MATR3: variants seen among roughly 807,000 people sequenced by gnomAD.
MATR3 encodes the protein matrin-3.
Under a neutral mutation model 85.5 loss-of-function variants are expected in MATR3, and 4 were observed. The ratio of observed to expected loss-of-function variants is 0.05; its 90% CI spans 0.02 to 0.11. The LOEUF (loss-of-function observed/expected upper bound fraction) is 0.11. Among genes scored for constraint, MATR3 ranks in the 10% least tolerant of loss-of-function variants. MATR3 has a pLI of 1.00. For missense variants in MATR3, 685 were observed against 1,016.1 expected (o/e 0.67, Z 4.43); for synonymous variants, 336 against 343.1 (o/e 0.98, Z 0.23).
Position 139,319,411 on chromosome 5 carries a change from G to C in MATR3, c.1512G>C (p.Pro504=). ...LGRVIHLSNL[P]HSGYSDSAVL... is the part of the protein sequence containing the mutation. ...GTGTGATACATCTCAGCAATTTGCC[G>C]CATTCTGGCTATTCTGATAGTGCTG... is the stretch of plus-strand genomic sequence containing the variant. Residue 504 remains proline (P), a synonymous_variant, in exon 9 of 15, where the codon CCG becomes CCC. Transcript: ENST00000394805. 1 of 1,614,016 alleles carries C rather than the reference G, an allele frequency of 6.2e-7. No homozygotes were observed. The highest frequency in any genetic ancestry group is 2.2e-5 in the East Asian group (1 of 44,888).
chr5:139,331,107 A>T lies in MATR3; in HGVS notation c.*1712A>T, dbSNP rs1191922938. 1 of 453,916 alleles carries T rather than the reference A, an allele frequency of 2.2e-6. No individual in the cohort carries two copies. The highest frequency in any genetic ancestry group is 4.4e-6 in the Non-Finnish European group (1 of 226,768). 28.1% of individuals were successfully genotyped at this position (453,916 alleles called of 1,614,324 possible). A position where few individuals can be genotyped will look rare whatever the true frequency, so the allele number is the denominator to read the frequency against. ...TCCCTGGCCAAGAAACAAAGTTTTA[A>T]TTTCAAAAAAATCTACAAAAACAGG... On this transcript the variant is annotated 3_prime_UTR_variant, in exon 15 of 15. Coordinates refer to ENST00000394805, the MANE Select transcript of MATR3 (RefSeq NM_018834.6).
chr5:139,280,232 T>C (rs573190710), intron 3 of MATR3, among the ~76,000 whole-genome samples: 65 of 152,370 alleles, frequency 4.3e-4, no homozygotes, highest in Middle Eastern at 3.4e-3. Context: ...CAAAATTGTT[T>C]TCAATGATTT....
rs1724846568 is a variant in MATR3, at chr5:139,296,275, C to A, written c.-178+2470C>A. ...TCTATACAGCCACTTAAAACAGTAT[C>A]GTAGGTGAAGAGTATGATGGGAAAA... is the stretch of plus-strand genomic sequence containing the variant. On this transcript the variant is annotated intron_variant, in intron 1 of 14. Transcript: ENST00000394805. Among the ~76,000 whole-genome samples, 3 of 151,960 alleles carry A rather than the reference C, an allele frequency of 2.0e-5. No individual in the cohort carries two copies. In the South Asian group the frequency reaches 6.2e-4, roughly 32 times the overall value.
chr5:139,287,630 A>T (rs1275235675), intron 3 of MATR3, among the ~76,000 whole-genome samples: 1 of 151,982 alleles, frequency 6.6e-6, no homozygotes, highest in Non-Finnish European at 1.5e-5. Flanking sequence ...AAAAAAAAAA[A>T]GTTTCATCAT....
chr5:139,314,344 A>G (rs2151979436), intron 2 of MATR3: 1 of 331,462 alleles, frequency 3.0e-6, no homozygotes, highest in South Asian at 2.8e-5. Context: ...AGTTTGGTCC[A>G]CAGTAAAAAT....
At chr5:139,301,962 G>A (rs1257663986) in intron 1 of MATR3, among the ~76,000 whole-genome samples, 1 of 152,176 alleles carries the variant, frequency 6.6e-6, no homozygotes, top group Non-Finnish European at 1.5e-5. Flanking sequence ...TTAGCCTAAG[G>A]ATCAAGAAGT....
At chr5:139,318,525 C>T (rs1755372393) in intron 7 of MATR3, among the ~76,000 whole-genome samples, 1 of 152,174 alleles carries the variant, frequency 6.6e-6, no homozygotes, top group Non-Finnish European at 1.5e-5. Flanking sequence ...CTGCAGCCTC[C>T]ACCTCCCAGG....
At chr5:139,309,298 G>A (rs1375280734) in intron 2 of MATR3, among the ~76,000 whole-genome samples, 2 of 151,992 alleles carry the variant, frequency 1.3e-5, no homozygotes, top group Admixed American at 6.6e-5. Context: ...ATCTGTGACC[G>A]TCCATTTTTT....
chr5:139,284,901 T>C, intron 3 of MATR3, among the ~76,000 whole-genome samples: 1 of 152,356 alleles, frequency 6.6e-6, no homozygotes, highest in East Asian at 1.9e-4. Flanking sequence ...TTTGAATCTA[T>C]GATTTTTTGT....
rs200473406 is a variant in MATR3 at position 139,323,288 on chromosome 5, GA to G, written c.2148+331del. Among the ~76,000 whole-genome samples, 109 of 148,200 alleles carry G rather than the reference GA, an allele frequency of 7.4e-4. 1 individual carries two copies. The Middle Eastern group carries it at 0.017, about 24-fold the overall frequency. On this transcript the variant is annotated intron_variant, in intron 12 of 14. Transcript: ENST00000394805. ...GTAGGCAGCCTTATAGTGTAGCTTTGAAAAAAAAAATACAGGACGTGAGTTT... is the reference window on the plus strand; with the variant it reads ...GTAGGCAGCCTTATAGTGTAGCTTTGAAAAAAAAATACAGGACGTGAGTTT...
chr5:139,298,068 G>A (rs1484567849), intron 1 of MATR3, among the ~76,000 whole-genome samples: 2 of 152,140 alleles, frequency 1.3e-5, no homozygotes, highest in East Asian at 1.9e-4. Flanking sequence ...ATATTAGGGA[G>A]CAGTATTATC....
chr5:139,297,460 CAG>C (rs1754215339), intron 1 of MATR3, among the ~76,000 whole-genome samples: 1 of 152,046 alleles, frequency 6.6e-6, no homozygotes, highest in Non-Finnish European at 1.5e-5. Context: ...AAAAGTAAAA[CAG>C]AAAACAAGCC....
intron 3 of MATR3, among the ~76,000 whole-genome samples, chr5:139,288,197 C>A (rs140025316): frequency 2.0e-5 from 3 of 152,188 alleles, no homozygotes; most frequent in African/African-American, 7.2e-5. Flanking sequence ...CTGGGAAACA[C>A]GAGACCCTGT....
chr5:139,326,080 T>G (rs1755839540), intron 13 of MATR3, 83 bp from the exon 14 acceptor site: 3 of 1,219,464 alleles, frequency 2.5e-6, no homozygotes, highest in African/African-American at 3.0e-5. Flanking sequence ...GTTGTTTCAT[T>G]TAAATTATGT....
intron 5 of MATR3, among the ~76,000 whole-genome samples, chr5:139,316,610 C>G (rs2151986887): frequency 6.6e-6 from 1 of 152,240 alleles, no homozygotes; most frequent in African/African-American, 2.4e-5. Context: ...TGTAACGGTG[C>G]AATCTCTGCT....
intron 1 of MATR3, chr5:139,276,065 C>A: frequency 2.2e-6 from 1 of 456,730 alleles, no homozygotes. Flanking sequence ...GGGAGGGACT[C>A]TGAGCTGCAC....
At chr5:139,306,317 T>C (rs879437925) in intron 1 of MATR3, among the ~76,000 whole-genome samples, 1 of 151,968 alleles carries the variant, frequency 6.6e-6, no homozygotes, top group Non-Finnish European at 1.5e-5. Flanking sequence ...ATTTGGGCTA[T>C]TCTTGTGAAA....
At chr5:139,321,673 A>G (rs1581254967) in intron 9 of MATR3, 1 of 548,520 alleles carries the variant, frequency 1.8e-6, no homozygotes, top group Admixed American at 3.1e-5. Flanking sequence ...AGACCTAGCT[A>G]CTGGGGGGCT....
chr5:139,323,758 G>A (rs985069733), intron 12 of MATR3, among the ~76,000 whole-genome samples: 5 of 152,186 alleles, frequency 3.3e-5, no homozygotes, highest in Non-Finnish European at 7.3e-5. Flanking sequence ...GCCGGGCGTG[G>A]TGGCACATAC....
Sources: gnomAD v4.1 joint callset for allele counts (sites outside exome capture counted in the v4.1 genomes callset) on GRCh38, gnomAD v4.1.1 for gene constraint, MANE v1.5 for transcripts, NCBI Gene and HGNC (gene_info 2026-07-23, HGNC 2026-07-21) for gene names.